Variants in INPP4A observed in about 807,000 individuals in gnomAD.
The protein encoded by INPP4A is inositol polyphosphate-4-phosphatase type I A.
Under a neutral mutation model 119.8 loss-of-function variants are expected in INPP4A, and 33 were observed. The ratio of observed to expected loss-of-function variants is 0.28; its 90% CI spans 0.21 to 0.37. The LOEUF is 0.37. Among genes scored for constraint, INPP4A ranks in the 10% least tolerant of loss-of-function variants. INPP4A has a pLI of 1.00. For missense variants in INPP4A, 956 were observed against 1,289.9 expected (o/e 0.74, Z 3.97); for synonymous variants, 496 against 500.7 (o/e 0.99, Z 0.12).
intron 1 of INPP4A, among the ~76,000 whole-genome samples, chr2:98,485,857 G>T (rs1441410794): frequency 1.3e-5 from 2 of 152,158 alleles, no homozygotes; most frequent in Non-Finnish European, 2.9e-5. Flanking sequence ...ATTGCTGGTT[G>T]CTAACCACTT....
intron 1 of INPP4A, among the ~76,000 whole-genome samples, chr2:98,512,914 C>A (rs898325981): frequency 1.3e-5 from 2 of 152,180 alleles, no homozygotes; most frequent in African/African-American, 4.8e-5. Flanking sequence ...GCCTTTCCAT[C>A]CTAGTTAATA....
intron 1 of INPP4A, among the ~76,000 whole-genome samples, chr2:98,512,502 T>C (rs6753515): frequency 6.6e-6 from 1 of 152,096 alleles, no homozygotes; most frequent in East Asian, 1.9e-4. Flanking sequence ...TGGGAAGTCC[T>C]GGAGCATGGT....
chr2:98,471,795 G>A (rs1676077727), intron 1 of INPP4A, among the ~76,000 whole-genome samples: 1 of 152,210 alleles, frequency 6.6e-6, no homozygotes, highest in Non-Finnish European at 1.5e-5. Context: ...CCCTGTTGGG[G>A]CTGAAGTCAC....
chr2:98,480,000 T>G (rs1574638839), intron 1 of INPP4A, among the ~76,000 whole-genome samples: 1 of 152,302 alleles, frequency 6.6e-6, no homozygotes, highest in South Asian at 2.1e-4. Context: ...AATGGCAGGG[T>G]CCTGCCCCCA....
At chr2:98,472,796 C>T (rs1174607821) in intron 1 of INPP4A, among the ~76,000 whole-genome samples, 1 of 152,228 alleles carries the variant, frequency 6.6e-6, no homozygotes, top group Non-Finnish European at 1.5e-5. Flanking sequence ...AGTGACTTGC[C>T]CAGAGTCTTG....
intron 1 of INPP4A, among the ~76,000 whole-genome samples, chr2:98,518,067 A>G (rs961517785): frequency 6.6e-6 from 1 of 152,214 alleles, no homozygotes; most frequent in African/African-American, 2.4e-5. Context: ...ATAAATTCCT[A>G]CCTTTTGCCA....
In INPP4A at chr2:98,587,704, T is replaced by G; in HGVS notation, c.*96T>G. The G allele has an allele frequency of 9.7e-7, 1 of 1,034,992 alleles. No individual in the cohort carries two copies. The allele number at this position is 1,034,992 out of a possible 1,614,324, so 64.1% of individuals were successfully genotyped here. A position where few individuals can be genotyped will look rare whatever the true frequency, so the allele number is the denominator to read the frequency against. ...TCAAGAAGACCTGAAGGATTGGTTT[T>G]TATTTTTTGTGGTTTTTTTAAAAAA... On this transcript the variant is annotated 3_prime_UTR_variant, in exon 25 of 25. Transcript: ENST00000409851.
intron 1 of INPP4A, among the ~76,000 whole-genome samples, chr2:98,487,507 C>A (rs1318301895): frequency 6.6e-6 from 1 of 152,234 alleles, no homozygotes; most frequent in African/African-American, 2.4e-5. Flanking sequence ...GCTGGGATTT[C>A]AGGCGTGAGC....
At chr2:98,520,937 C>T in intron 4 of INPP4A, 1 of 491,772 alleles carries the variant, frequency 2.0e-6, no homozygotes, top group South Asian at 2.7e-5. Context: ...CCCACAGGCT[C>T]CTGTCTCCTC....
At chr2:98,449,930 T>C (rs1315048142) in intron 1 of INPP4A, among the ~76,000 whole-genome samples, 1 of 152,232 alleles carries the variant, frequency 6.6e-6, no homozygotes, top group Non-Finnish European at 1.5e-5. Context: ...TTGGATACCT[T>C]TTCTTGTTAA....
intron 1 of INPP4A, among the ~76,000 whole-genome samples, chr2:98,477,699 G>A (rs536628992): frequency 1.2e-4 from 18 of 152,348 alleles, no homozygotes; most frequent in Admixed American, 5.2e-4. Context: ...TCAACCCAGA[G>A]TCCAGGAGTC....
chr2:98,545,805 C>T (rs1025139878), intron 11 of INPP4A, among the ~76,000 whole-genome samples, 164 bp from the exon 12 acceptor site: 1 of 152,196 alleles, frequency 6.6e-6, no homozygotes, highest in Non-Finnish European at 1.5e-5. Context: ...ACCCACCTGC[C>T]ACCTGGAAAT....
At position 98,477,722 on chromosome 2, in the gene INPP4A, G is replaced by A. The variant is rs148925464; in HGVS notation, c.-166+32637G>A. Among the ~76,000 whole-genome samples, 423 of 152,314 alleles carry A rather than the reference G, an allele frequency of 2.8e-3. 1 individual carries two copies. Among genetic ancestry groups the A allele is most frequent in the African/African-American group, 9.8e-3 (409 of 41,574 alleles). On this transcript the variant is annotated intron_variant, in intron 1 of 24. Coordinates refer to ENST00000409851, the MANE Select transcript of INPP4A (RefSeq NM_001134225.2). ...GAGTCCAGGAGTCTGATGAACAGAG[G>A]CTTTCTCCCTCTACCTCACCCTGCC... is the stretch of plus-strand genomic sequence containing the variant.
In INPP4A at chr2:98,555,801, G is replaced by T. The variant is rs1337529291; in HGVS notation, c.1815G>T (p.Leu605=). 2 of 1,557,432 alleles carry T rather than the reference G, an allele frequency of 1.3e-6. No individual in the cohort carries two copies. The highest frequency in any genetic ancestry group is 1.7e-6 in the Non-Finnish European group (2 of 1,149,802). ...CCTCCACTGCATGCCATCCTCATCT[G>T]ACCACACGTGCGTATGCATCCATGC... The part of the protein sequence containing the change: ...TMPSTACHPH[L]TTHCSPPPEE... The change falls in exon 16 of 25, where the codon CTG becomes CTT. Residue 605 remains leucine, a synonymous_variant. Coordinates refer to ENST00000409851, the MANE Select transcript of INPP4A (RefSeq NM_001134225.2).
intron 13 of INPP4A, among the ~76,000 whole-genome samples, chr2:98,548,247 GC>G (rs1692838836): frequency 1.3e-5 from 2 of 152,186 alleles, no homozygotes; most frequent in Non-Finnish European, 2.9e-5. Flanking sequence ...GGGAATTCAG[GC>G]CCCCAGACAA....
At chr2:98,547,283 C>T (rs963108436) in intron 13 of INPP4A, among the ~76,000 whole-genome samples, 2 of 152,202 alleles carry the variant, frequency 1.3e-5, no homozygotes, top group African/African-American at 2.4e-5. Flanking sequence ...ACCAGAGTTA[C>T]AGCCCCCAGC....
In INPP4A at chr2:98,530,199, GAA is replaced by G. The variant is rs796205802; in HGVS notation, c.152-3164_152-3163del. On this transcript the variant is annotated intron_variant, in intron 4 of 24. Transcript: ENST00000409851. ...TACCATAAGGACAACTAGAAAAAGT[GAA>G]AAAAAAAAAAAAATCTGAACTACCT... is the stretch of plus-strand genomic sequence containing the variant. Among the ~76,000 whole-genome samples the G allele has an allele frequency of 2.5e-3, 327 of 130,840 alleles. 2 individuals carry two copies. Among genetic ancestry groups the G allele is most frequent in the African/African-American group, 8.2e-3 (293 of 35,848 alleles). 85.8% of individuals were successfully genotyped at this position (130,840 alleles called of 152,430 possible). A position where few individuals can be genotyped will look rare whatever the true frequency, so the allele number is the denominator to read the frequency against.
At chr2:98,492,754 A>C (rs1324712912) in intron 1 of INPP4A, among the ~76,000 whole-genome samples, 1 of 152,202 alleles carries the variant, frequency 6.6e-6, no homozygotes, top group Non-Finnish European at 1.5e-5. Flanking sequence ...TATCAGTTCG[A>C]TATCTGAGGG....
chr2:98,445,400 T>G (rs1574418652), intron 1 of INPP4A, among the ~76,000 whole-genome samples: 1 of 152,164 alleles, frequency 6.6e-6, no homozygotes, highest in African/African-American at 2.4e-5. Context: ...CAGGGCTGGG[T>G]CTACGGGCTC....
Sources: gnomAD v4.1 joint callset for allele counts (sites outside exome capture counted in the v4.1 genomes callset) on GRCh38, gnomAD v4.1.1 for gene constraint, MANE v1.5 for transcripts, NCBI Gene and HGNC (gene_info 2026-07-23, HGNC 2026-07-21) for gene names.